Variants in MED13 observed in about 807,000 individuals in gnomAD.
MED13 encodes mediator of RNA polymerase II transcription subunit 13.
In MED13, 23 loss-of-function variants were observed where a neutral mutation model predicts 225.2. The ratio of observed to expected loss-of-function variants is 0.10; its 90% CI spans 0.07 to 0.14. The LOEUF is 0.14. Among genes scored for constraint, MED13 ranks in the 10% least tolerant of loss-of-function variants. MED13 has a pLI of 1.00. For synonymous variants in MED13, 942 were observed against 889.2 expected (o/e 1.06, Z -1.06); for missense variants, 2,197 against 2,594.5 (o/e 0.85, Z 3.33).
intron 20 of MED13, 51 bp downstream of exon 20, chr17:61,964,955 G>T: frequency 6.7e-7 from 1 of 1,503,696 alleles, no homozygotes; most frequent in Non-Finnish European, 9.0e-7. Flanking sequence ...AAAGAAAGAA[G>T]CAGCATCATA....
rs751193963 is a variant in MED13, at chr17:61,946,615, A to C, written c.6393-15T>G. 2 of 1,608,332 alleles carry C rather than the reference A, an allele frequency of 1.2e-6. No homozygotes were observed. The highest frequency in any genetic ancestry group is 1.3e-5 in the African/African-American group (1 of 74,668). On this transcript the variant is annotated splice_polypyrimidine_tract_variant and intron_variant, in intron 29 of 29. Transcript: ENST00000397786. The stretch of plus-strand genomic sequence containing the variant: ...CCAAAACAAACCTGAAAAGCAAATA[A>C]ACTGCATAAGTCATTTATTTATTTC...
Position 61,982,336 on chromosome 17 carries a change from C to T in MED13, c.3667G>A (p.Val1223Ile). Residue 1223 changes from valine (V) to isoleucine (I), a missense_variant, in exon 16 of 30, where the codon GTT (valine) becomes ATT (isoleucine). This residue lies in a region of MED13 where 203 missense variants were observed against 209.7 expected (regional missense o/e 0.97). Transcript: ENST00000397786. ...KSGVISNWVR[V>I]EERDCCNDCY... The stretch of plus-strand genomic sequence containing the variant: ...TCATTGCAACAGTCACGCTCTTCAA[C>T]ACGTACCCAATTGCTAATTACACCA... 6.2e-7 allele frequency: 1 copy of T among 1,614,234 alleles called. No homozygotes were observed. The highest frequency in any genetic ancestry group is 8.5e-7 in the Non-Finnish European group (1 of 1,180,044).
At position 62,029,597 on chromosome 17, in the gene MED13, T is replaced by C. The variant is rs759305257; in HGVS notation, c.1227A>G (p.Lys409=). 2.0e-5 allele frequency: 33 copies of C among 1,614,076 alleles called. No individual in the cohort carries two copies. The highest frequency in any genetic ancestry group is 2.8e-5 in the Non-Finnish European group (33 of 1,180,040). The change falls in exon 8 of 30, where the codon AAA becomes AAG. Residue 409 remains lysine, a synonymous_variant. Transcript: ENST00000397786. ...CTTCAACAAAATCCCAGGATGCCAC[T>C]TTAGCAGCTGTCGCTTCTTCGCATA... ...GGLCEEATAA[K]VASWDFVEAT...
chr17:61,959,726 CTTTT>C (rs11288442), intron 23 of MED13, among the ~76,000 whole-genome samples: 11 of 119,668 alleles, frequency 9.2e-5, no homozygotes, highest in Admixed American at 3.4e-4. Context: ...GAACCCAAAT[CTTTT>C]TTTTTTTTTT....
intron 9 of MED13, among the ~76,000 whole-genome samples, chr17:62,008,583 C>A (rs1449900703): frequency 6.6e-6 from 1 of 151,774 alleles, no homozygotes; most frequent in African/African-American, 2.4e-5. Context: ...AATTATGAAA[C>A]CAACATGTAG....
chr17:62,000,232 T>A (rs2080382544), intron 9 of MED13, among the ~76,000 whole-genome samples: 1 of 152,218 alleles, frequency 6.6e-6, no homozygotes, highest in Non-Finnish European at 1.5e-5. Context: ...TTTGAATTTC[T>A]CCTACCGTAA....
chr17:61,993,313 C>T (rs1277190062), intron 10 of MED13, among the ~76,000 whole-genome samples: 5 of 149,960 alleles, frequency 3.3e-5, no homozygotes, highest in African/African-American at 9.9e-5. Context: ...GAGATTCTCC[C>T]GCCTCAGCCT....
rs142430429 is a variant in MED13 at position 61,987,547 on chromosome 17, T to C, written c.2264-419A>G. ...CATAAGGGGATTATGCAACAAGAAA[T>C]TGTACTTTATTGTTTAAAATCGAGA... On this transcript the variant is annotated intron_variant, in intron 11 of 29. Transcript: ENST00000397786. 2.0e-5 allele frequency among the ~76,000 whole-genome samples: 3 copies of C among 152,218 alleles called. No individual in the cohort carries two copies. In the East Asian group the frequency reaches 5.8e-4, roughly 29 times the overall value.
chr17:62,009,083 G>C (rs937961341), intron 9 of MED13, among the ~76,000 whole-genome samples: 2 of 152,104 alleles, frequency 1.3e-5, no homozygotes, highest in Non-Finnish European at 2.9e-5. Context: ...GGAAGGAATC[G>C]TAATCTTTGT....
At chr17:62,058,436 G>A (rs988247765) in intron 2 of MED13, among the ~76,000 whole-genome samples, 9 of 149,264 alleles carry the variant, frequency 6.0e-5, no homozygotes, top group African/African-American at 1.2e-4. Context: ...CAGAAGGATC[G>A]CTTGAACCTG....
chr17:62,015,944 ATATATATATATTTTTTTTTTTTTT>A (rs1455929288), intron 8 of MED13, among the ~76,000 whole-genome samples: 2 of 12,714 alleles, frequency 1.6e-4, no homozygotes, highest in African/African-American at 4.9e-4. Context: ...ATATATATAT[ATATATATATATTTTTTTTTTTTTT>A]TTTTTTTTTT....
chr17:62,061,854 G>A (rs890758718), intron 2 of MED13, among the ~76,000 whole-genome samples: 2 of 152,102 alleles, frequency 1.3e-5, no homozygotes, highest in South Asian at 2.1e-4. Flanking sequence ...TCTGCAGCAG[G>A]CATCTTATTA....
At chr17:61,981,987 ATAAT>A (rs1172344126) in intron 16 of MED13, among the ~76,000 whole-genome samples, 1 of 152,248 alleles carries the variant, frequency 6.6e-6, no homozygotes, top group East Asian at 1.9e-4. Context: ...ACATAAGTAT[ATAAT>A]TACAGATTTA....
chr17:62,038,176 G>C (rs1309905387), intron 3 of MED13, among the ~76,000 whole-genome samples: 1 of 151,958 alleles, frequency 6.6e-6, no homozygotes, highest in Non-Finnish European at 1.5e-5. Flanking sequence ...AGAGGAGTTG[G>C]GCTTGAGCCC....
intron 11 of MED13, among the ~76,000 whole-genome samples, chr17:61,990,718 A>G (rs1372003094): frequency 6.6e-6 from 1 of 151,206 alleles, no homozygotes; most frequent in Non-Finnish European, 1.5e-5. Flanking sequence ...GTCAATTAAA[A>G]AAATTATTTT....
At chr17:61,955,934 T>C (rs1367688940) in intron 24 of MED13, 96 bp from the exon 25 acceptor site, 2 of 1,364,604 alleles carry the variant, frequency 1.5e-6, no homozygotes, top group African/African-American at 1.6e-5. Context: ...AGTTAAAATA[T>C]AAAAATAGTT....
chr17:61,947,501 A>G (rs1219746205), intron 28 of MED13, among the ~76,000 whole-genome samples: 1 of 152,240 alleles, frequency 6.6e-6, no homozygotes. Context: ...TAAATTGAGT[A>G]GTTAAACCTG....
intron 2 of MED13, among the ~76,000 whole-genome samples, chr17:62,061,098 A>G (rs905609146): frequency 6.6e-6 from 1 of 152,224 alleles, no homozygotes; most frequent in African/African-American, 2.4e-5. Flanking sequence ...ACCTAGTTTC[A>G]GTGGAGAAAA....
chr17:61,982,908 C>T lies in MED13; in HGVS notation c.3095G>A (p.Gly1032Asp), dbSNP rs778337590. 1 of 1,614,078 alleles carries T rather than the reference C, an allele frequency of 6.2e-7. No homozygotes were observed. The highest frequency in any genetic ancestry group is 1.1e-5 in the South Asian group (1 of 91,072). The change falls in exon 16 of 30, where the codon GGT becomes GAT. Residue 1032 changes from glycine to aspartate, a missense_variant. Gly to Asp is a moderately conservative substitution (Grantham distance 94, BLOSUM62 -1). This residue lies in a region of MED13 where 99 missense variants were observed against 158.5 expected (regional missense o/e 0.62). Coordinates refer to ENST00000397786, the MANE Select transcript of MED13 (RefSeq NM_005121.3). ...GTCTGAATTTTCATATTTGACTGAACCTTGAGCACTAGCAGGTCCACCAGC... is the reference window on the plus strand; with the variant it reads ...GTCTGAATTTTCATATTTGACTGAATCTTGAGCACTAGCAGGTCCACCAGC... ...RGAGGPASAQGSVKYENSDLY... is the reference protein window; with the variant it reads ...RGAGGPASAQDSVKYENSDLY...
Sources: allele counts gnomAD v4.1 joint callset (sites outside exome capture counted in the v4.1 genomes callset), GRCh38; gene constraint gnomAD v4.1.1; regional missense constraint gnomAD v4.1.1; transcripts MANE v1.5; gene names NCBI Gene and HGNC (gene_info 2026-07-23, HGNC 2026-07-21).